The following ACOXL variants were observed in gnomAD, a reference collection of about 807,000 sequenced individuals.
ACOXL encodes the protein acyl-CoA oxidase like.
ACOXL carries 70 observed loss-of-function variants against 71.9 expected under a neutral mutation model. That is an observed-to-expected ratio of 0.97 (90% confidence interval 0.80 to 1.19). The LOEUF is 1.19. Ranked by LOEUF, ACOXL falls within the 50% of genes most tolerant of loss-of-function variation. The pLI is 0.00. For missense variants in ACOXL, 703 were observed against 736.3 expected (o/e 0.95, Z 0.52); for synonymous variants, 253 against 281.6 (o/e 0.90, Z 1.02).
chr2:111,038,379 C>T (rs1490138857), intron 15 of ACOXL, among the ~76,000 whole-genome samples: 2 of 152,166 alleles, frequency 1.3e-5, no homozygotes, highest in Non-Finnish European at 2.9e-5. Context: ...ATAAGCCCTT[C>T]CCACTTTTTA....
chr2:110,800,354 C>A (rs1422536958), intron 7 of ACOXL, among the ~76,000 whole-genome samples: 2 of 152,196 alleles, frequency 1.3e-5, no homozygotes, highest in Non-Finnish European at 2.9e-5. Flanking sequence ...TCCCTGTGTT[C>A]ATGCCTGTCT....
intron 10 of ACOXL, among the ~76,000 whole-genome samples, chr2:110,853,098 C>T (rs914226004): frequency 3.3e-5 from 5 of 152,186 alleles, no homozygotes; most frequent in African/African-American, 7.2e-5. Context: ...TGCCGGGCCT[C>T]GGGCGGGGTG....
intron 15 of ACOXL, among the ~76,000 whole-genome samples, chr2:111,037,808 A>G (rs867198225): frequency 1.6e-4 from 24 of 152,198 alleles, no homozygotes; most frequent in South Asian, 4.1e-4. Flanking sequence ...GAGCTCCTCA[A>G]CCCCATCCAC....
chr2:111,094,881 GTCTCCTT>G (rs1353270010), intron 17 of ACOXL, among the ~76,000 whole-genome samples: 1 of 152,136 alleles, frequency 6.6e-6, no homozygotes, highest in Non-Finnish European at 1.5e-5. Flanking sequence ...ACGGGTAATT[GTCTCCTT>G]CCATGTAGCC....
chr2:111,027,858 C>T (rs1039130105), intron 14 of ACOXL, among the ~76,000 whole-genome samples: 3 of 152,066 alleles, frequency 2.0e-5, no homozygotes, highest in Non-Finnish European at 2.9e-5. Context: ...CACCTTGGTT[C>T]TCCTGTGCTC....
intron 17 of ACOXL, among the ~76,000 whole-genome samples, chr2:111,108,676 C>T (rs959471255): frequency 6.6e-5 from 10 of 152,124 alleles, no homozygotes; most frequent in African/African-American, 2.4e-4. Context: ...CATGCCCGGC[C>T]GAAGCGCACA....
At chr2:111,038,897 A>G (rs948830673) in intron 15 of ACOXL, among the ~76,000 whole-genome samples, 1 of 152,086 alleles carries the variant, frequency 6.6e-6, no homozygotes, top group Admixed American at 6.6e-5. Context: ...TGAACTATAG[A>G]AAAAAAACAT....
intron 11 of ACOXL, among the ~76,000 whole-genome samples, chr2:110,929,957 C>T (rs867736994): frequency 2.0e-5 from 3 of 152,162 alleles, no homozygotes; most frequent in Non-Finnish European, 4.4e-5. Flanking sequence ...GCTGCAGGGG[C>T]GGGGCCCTCA....
intron 9 of ACOXL, among the ~76,000 whole-genome samples, chr2:110,832,881 C>T (rs1237239887): frequency 2.0e-5 from 3 of 152,220 alleles, no homozygotes; most frequent in Non-Finnish European, 2.9e-5. Flanking sequence ...AGTGAGATAT[C>T]ACTACATACC....
In ACOXL at chr2:110,881,891, GT is replaced by G. The variant is rs112502730; in HGVS notation, c.789-26888del. Among the ~76,000 whole-genome samples, 10 of 149,454 alleles carry G rather than the reference GT, an allele frequency of 6.7e-5. No individual in the cohort carries two copies. The East Asian group carries it at 7.8e-4, about 12-fold the overall frequency. On this transcript the variant is annotated intron_variant, in intron 10 of 17. Transcript: ENST00000439055. ...TACCCCTTTACCTGAGGGACATTGG[GT>G]TTTTTTTTTATTGGGGAGCTGTTTC...
intron 15 of ACOXL, among the ~76,000 whole-genome samples, chr2:111,042,308 A>G (rs1376252522): frequency 6.6e-6 from 1 of 152,234 alleles, no homozygotes; most frequent in African/African-American, 2.4e-5. Flanking sequence ...GATTATCAGA[A>G]CAATGTGACG....
intron 12 of ACOXL, chr2:110,963,565 A>ATG (rs57092184): frequency 0.013 from 19,368 of 1,449,742 alleles, 64 homozygotes; most frequent in African/African-American, 0.063. Context: ...CAAATTTGAA[A>ATG]TGTGTGTGTG....
chr2:110,819,506 G>A (rs1386111718), intron 9 of ACOXL, among the ~76,000 whole-genome samples: 3 of 152,138 alleles, frequency 2.0e-5, no homozygotes, highest in African/African-American at 2.4e-5. Context: ...TCTGGACAAA[G>A]CCTACATTTA....
At chr2:110,988,035 C>T (rs567186875) in intron 13 of ACOXL, among the ~76,000 whole-genome samples, 20 of 152,348 alleles carry the variant, frequency 1.3e-4, no homozygotes, top group South Asian at 1.2e-3. Flanking sequence ...CCACTTCAGA[C>T]GCAACTGAAG....
intron 9 of ACOXL, among the ~76,000 whole-genome samples, chr2:110,828,507 A>G (rs1359601596): frequency 6.6e-6 from 1 of 152,214 alleles, no homozygotes; most frequent in African/African-American, 2.4e-5. Flanking sequence ...GCTTTCTGGC[A>G]TTGACAATCG....
rs1419880716 is a variant in ACOXL at position 110,798,727 on chromosome 2, T to C, written c.460+3T>C. 1 of 1,611,594 alleles carries C rather than the reference T, an allele frequency of 6.2e-7. No homozygotes were observed. The highest frequency in any genetic ancestry group is 1.7e-5 in the Admixed American group (1 of 60,024). On this transcript the variant is annotated splice_donor_region_variant and intron_variant, in intron 6 of 17. Coordinates refer to ENST00000439055, the MANE Select transcript of ACOXL (RefSeq NM_001142807.4). ...CATCATAGATGGAAGATCTCAAGGT[T>C]TGTTACCAATACAGACAACTAGAAT...
rs147746731 is a variant in ACOXL, at chr2:111,047,802, G to A, written c.1370-1416G>A. Among the ~76,000 whole-genome samples the A allele has an allele frequency of 2.3e-3, 348 of 152,326 alleles. 4 individuals are homozygous for A. The highest frequency in any genetic ancestry group is 7.9e-3 in the African/African-American group (329 of 41,580). The stretch of plus-strand genomic sequence containing the variant: ...TGAAGACTGGGTGGGTATATGCATT[G>A]GAGAGCATGTGGAAGGCAACATTGA... On this transcript the variant is annotated intron_variant, in intron 15 of 17. Coordinates refer to ENST00000439055, the MANE Select transcript of ACOXL (RefSeq NM_001142807.4).
At chr2:110,904,450 T>C (rs2059363463) in intron 10 of ACOXL, among the ~76,000 whole-genome samples, 1 of 152,218 alleles carries the variant, frequency 6.6e-6, no homozygotes, top group Non-Finnish European at 1.5e-5. Flanking sequence ...CCCTCCTGCC[T>C]CTGTCTTTCC....
At chr2:110,957,915 G>T (rs771895133) in intron 12 of ACOXL, among the ~76,000 whole-genome samples, 1 of 151,930 alleles carries the variant, frequency 6.6e-6, no homozygotes, top group Non-Finnish European at 1.5e-5. Context: ...AAAAAAAGGC[G>T]GGCATGGTGG....
Sources: allele counts gnomAD v4.1 joint callset (sites outside exome capture counted in the v4.1 genomes callset), GRCh38; gene constraint gnomAD v4.1.1; transcripts MANE v1.5; gene names NCBI Gene and HGNC (gene_info 2026-07-23, HGNC 2026-07-21).